OSMR: variants seen among roughly 807,000 people sequenced by gnomAD.
The protein encoded by OSMR is oncostatin M receptor.
In OSMR, 81 loss-of-function variants were observed where a neutral mutation model predicts 99.9. The ratio of observed to expected loss-of-function variants is 0.81; its 90% CI spans 0.68 to 0.97. The LOEUF (loss-of-function observed/expected upper bound fraction) is 0.97. Ranked by LOEUF, OSMR falls within the 50% of genes least tolerant of loss-of-function variation. OSMR has a pLI of 0.00. For missense variants in OSMR, 1,099 were observed against 1,153.4 expected, an observed-to-expected ratio of 0.95 and a Z score of 0.68; for synonymous variants, 406 against 410.4, an observed-to-expected ratio of 0.99 and a Z score of 0.13.
rs774580932 is a variant in OSMR at position 38,876,387 on chromosome 5, T to G, written c.246+14T>G. On this transcript the variant is annotated intron_variant, in intron 3 of 17. Coordinates refer to ENST00000274276, the MANE Select transcript of OSMR (RefSeq NM_003999.3). The stretch of plus-strand genomic sequence containing the variant: ...GTCATCTGGGTGGTAAGTAATTTTT[T>G]TGGCTCAATATTTAAAAAATCATCT... 1.2e-6 allele frequency: 2 copies of G among 1,607,986 alleles called. No individual in the cohort carries two copies. The highest frequency in any genetic ancestry group is 2.7e-5 in the African/African-American group (2 of 74,790).
Position 38,931,912 on chromosome 5 carries a change from A to C in OSMR, c.2242A>C (p.Met748Leu). 6.2e-7 allele frequency: 1 copy of C among 1,613,648 alleles called. No individual in the cohort carries two copies. Among genetic ancestry groups the C allele is most frequent in the Non-Finnish European group, 8.5e-7 (1 of 1,179,612 alleles). ...SSMLIHILLPMVFCVLLIMVM... is the reference protein window; with the variant it reads ...SSMLIHILLPLVFCVLLIMVM... ...GATGCTGATTCATATCCTACTGCCCATGGTTTTCTGCGTCTTGCTCATCAT... is the reference window on the plus strand; with the variant it reads ...GATGCTGATTCATATCCTACTGCCCCTGGTTTTCTGCGTCTTGCTCATCAT... Residue 748 changes from methionine (M) to leucine (L), a missense_variant, in exon 16 of 18, where the codon ATG (methionine) becomes CTG (leucine). Coordinates refer to ENST00000274276, the MANE Select transcript of OSMR (RefSeq NM_003999.3).
chr5:38,942,685 G>A, intron 1 of OSMR: 1 of 616,106 alleles, frequency 1.6e-6, no homozygotes, highest in South Asian at 2.2e-5. Flanking sequence ...TGAATTCCTG[G>A]GCTCAAGCAA....
chr5:38,919,456 C>T, intron 11 of OSMR: 1 of 782,708 alleles, frequency 1.3e-6, no homozygotes, highest in Non-Finnish European at 1.8e-6. Context: ...GTCTTTGCAC[C>T]TGGAAAGAGT....
At chr5:38,853,846 G>C (rs1740640774) in intron 1 of OSMR, among the ~76,000 whole-genome samples, 1 of 152,090 alleles carries the variant, frequency 6.6e-6, no homozygotes, top group African/African-American at 2.4e-5. Flanking sequence ...ATTATCCAGT[G>C]GACAGGTTCA....
chr5:38,926,906 C>T (rs930854593), intron 15 of OSMR, among the ~76,000 whole-genome samples: 1 of 152,186 alleles, frequency 6.6e-6, no homozygotes, highest in Non-Finnish European at 1.5e-5. Context: ...TAGTTGTTTC[C>T]TAGATACAAT....
At chr5:38,848,717 A>G (rs1234441336) in intron 1 of OSMR, among the ~76,000 whole-genome samples, 1 of 152,146 alleles carries the variant, frequency 6.6e-6, no homozygotes, top group African/African-American at 2.4e-5. Flanking sequence ...TTCACTTTCC[A>G]AGTCTTAGAG....
intron 2 of OSMR, among the ~76,000 whole-genome samples, chr5:38,870,400 CG>C (rs1364552918): frequency 2.1e-5 from 3 of 145,390 alleles, no homozygotes; most frequent in Non-Finnish European, 4.5e-5. Context: ...GGCGCGATCT[CG>C]GCTCACTGCA....
Position 38,909,939 on chromosome 5 carries a change from G to A in OSMR, c.1285+5436G>A, listed in dbSNP as rs576303485. On this transcript the variant is annotated intron_variant, in intron 9 of 17. Transcript: ENST00000274276. Reference sequence around the variant, plus strand: ...TTAAAAGGCACAGAGTGGCAAGTTGGAGAAAGAAGCAAGATCCAACTGTAT... The same window carrying A: ...TTAAAAGGCACAGAGTGGCAAGTTGAAGAAAGAAGCAAGATCCAACTGTAT... Among the ~76,000 whole-genome samples, 3 of 152,322 alleles carry A rather than the reference G, an allele frequency of 2.0e-5. No individual in the cohort carries two copies. The South Asian group carries it at 6.2e-4, about 32-fold the overall frequency.
chr5:38,914,730 G>A (rs1745800632), intron 9 of OSMR, among the ~76,000 whole-genome samples: 3 of 152,142 alleles, frequency 2.0e-5, no homozygotes, highest in Admixed American at 6.5e-5. Flanking sequence ...ATTAATGCAG[G>A]AACAGAAAAT....
chr5:38,932,089 A>AC, intron 16 of OSMR, 125 bp downstream of exon 16: 1 of 803,522 alleles, frequency 1.2e-6, no homozygotes, highest in Non-Finnish European at 2.1e-6. Flanking sequence ...AGAACAAAGG[A>AC]GGCTGGGGTG....
chr5:38,914,622 G>C (rs866285443), intron 9 of OSMR, among the ~76,000 whole-genome samples: 2 of 152,180 alleles, frequency 1.3e-5, no homozygotes, highest in Non-Finnish European at 2.9e-5. Flanking sequence ...TGATGGATTG[G>C]ACAAAGAAAA....
At chr5:38,889,830 T>C (rs1221207784) in intron 7 of OSMR, among the ~76,000 whole-genome samples, 8 of 152,236 alleles carry the variant, frequency 5.3e-5, no homozygotes, top group South Asian at 2.1e-4. Context: ...TTTTATTACC[T>C]GTTTTCTTCT....
chr5:38,904,754 C>G (rs1246835620), intron 9 of OSMR, among the ~76,000 whole-genome samples: 1 of 152,168 alleles, frequency 6.6e-6, no homozygotes, highest in African/African-American at 2.4e-5. Context: ...AAAATGGTTT[C>G]AAGCCATCAC....
At chr5:38,899,746 G>T (rs1174304728) in intron 7 of OSMR, among the ~76,000 whole-genome samples, 1 of 152,110 alleles carries the variant, frequency 6.6e-6, no homozygotes, top group African/African-American at 2.4e-5. Flanking sequence ...ACTCTGACTG[G>T]TGCCCTGTCC....
chr5:38,856,990 A>G (rs1740905996), intron 1 of OSMR, among the ~76,000 whole-genome samples: 1 of 152,164 alleles, frequency 6.6e-6, no homozygotes, highest in South Asian at 2.1e-4. Flanking sequence ...TTGGTACCCA[A>G]ACCATAGAAA....
In OSMR at chr5:38,883,859, G is replaced by T. The variant is rs144730194; in HGVS notation, c.451G>T (p.Val151Phe). The T allele has an allele frequency of 6.2e-6, 10 of 1,613,134 alleles. No individual in the cohort carries two copies. The Admixed American group carries it at 1.3e-4, about 22-fold the overall frequency. Residue 151 changes from valine to phenylalanine, a missense_variant, in exon 5 of 18, where the codon GTT (valine) becomes TTT (phenylalanine). Coordinates refer to ENST00000274276, the MANE Select transcript of OSMR (RefSeq NM_003999.3). ...TTCTACTGGACAGGATATATTGTTCGTTTTCCCTAAAGATAAGCTGGTGGA... is the reference window on the plus strand; with the variant it reads ...TTCTACTGGACAGGATATATTGTTCTTTTTCCCTAAAGATAAGCTGGTGGA... ...QDSTGQDILF[V>F]FPKDKLVEEG...
chr5:38,932,995 G>C lies in OSMR; in HGVS notation c.2491G>C (p.Glu831Gln). The change falls in exon 18 of 18, where the codon GAG becomes CAG. Residue 831 changes from glutamate to glutamine, a missense_variant. By Grantham distance (29) the Glu-to-Gln change is conservative (BLOSUM62 2). Transcript: ENST00000274276. ...CACTAGGAAGTCACTCACAGAAACC[G>C]AGTTGACTAAGCCTAACTACCTTTA... Reference protein sequence around the residue: ...LGTRKSLTETELTKPNYLYLL... With the variant: ...LGTRKSLTETQLTKPNYLYLL... The C allele has an allele frequency of 6.2e-7, 1 of 1,614,122 alleles. No individual in the cohort carries two copies. Among genetic ancestry groups the C allele is most frequent in the Non-Finnish European group, 8.5e-7 (1 of 1,179,994 alleles).
intron 1 of OSMR, among the ~76,000 whole-genome samples, chr5:38,852,718 A>ATTTTTTATTTTTT (rs1740493967): frequency 1.4e-5 from 1 of 70,660 alleles, no homozygotes; most frequent in African/African-American, 5.4e-5. Context: ...TATTGTTTTC[A>ATTTTTTATTTTTT]TTTTTTTTTT....
intron 1 of OSMR, among the ~76,000 whole-genome samples, chr5:38,864,402 A>T (rs1359569241): frequency 6.6e-6 from 1 of 152,106 alleles, no homozygotes; most frequent in Non-Finnish European, 1.5e-5. Context: ...TCACTTCCAG[A>T]TATACGATTC....
Sources: gnomAD v4.1 joint callset for allele counts (sites outside exome capture counted in the v4.1 genomes callset) on GRCh38, gnomAD v4.1.1 for gene constraint, MANE v1.5 for transcripts, NCBI Gene and HGNC (gene_info 2026-07-23, HGNC 2026-07-21) for gene names.